The following RAPGEF2 variants were observed in gnomAD, a reference collection of about 807,000 sequenced individuals.
The protein encoded by RAPGEF2 is Rap guanine nucleotide exchange factor 2.
A neutral mutation model predicts 186.7 loss-of-function variants in RAPGEF2; 54 were observed. That is an observed-to-expected ratio of 0.29 (90% confidence interval 0.23 to 0.36). The LOEUF is 0.36. Ranked by LOEUF, RAPGEF2 falls within the 10% of genes least tolerant of loss-of-function variation. RAPGEF2 has a pLI of 1.00. For synonymous variants in RAPGEF2, 712 were observed against 705.9 expected (o/e 1.01, Z -0.14); for missense variants, 1,532 against 2,045.0 (o/e 0.75, Z 4.84).
At chr4:159,252,901 T>C (rs912398648) in intron 7 of RAPGEF2, among the ~76,000 whole-genome samples, 1 of 152,238 alleles carries the variant, frequency 6.6e-6, no homozygotes. Context: ...ATCCATTGAT[T>C]AACTTAAAAA....
intron 1 of RAPGEF2, among the ~76,000 whole-genome samples, chr4:159,131,705 T>G (rs996946137): frequency 1.3e-5 from 2 of 151,810 alleles, no homozygotes; most frequent in Non-Finnish European, 2.9e-5. Context: ...CGCGTTGTTG[T>G]GTACTTGGGA....
intron 1 of RAPGEF2, among the ~76,000 whole-genome samples, chr4:159,134,289 A>G (rs1741453351): frequency 6.6e-6 from 1 of 152,184 alleles, no homozygotes. Flanking sequence ...TTTGAGATTC[A>G]GCCATAGTGT....
chr4:159,131,408 C>T (rs1156287626), intron 1 of RAPGEF2, among the ~76,000 whole-genome samples: 1 of 152,036 alleles, frequency 6.6e-6, no homozygotes, highest in South Asian at 2.1e-4. Context: ...CCGCGCCCAG[C>T]CTCGCATGGT....
At chr4:159,129,575 CTG>C (rs907616029) in intron 1 of RAPGEF2, among the ~76,000 whole-genome samples, 5 of 152,264 alleles carry the variant, frequency 3.3e-5, no homozygotes, top group African/African-American at 9.6e-5. Context: ...AATGAAGAAA[CTG>C]AGATGCAGGG....
At chr4:159,159,800 G>A (rs1005772694) in intron 1 of RAPGEF2, among the ~76,000 whole-genome samples, 4 of 152,180 alleles carry the variant, frequency 2.6e-5, no homozygotes, top group African/African-American at 4.8e-5. Context: ...TTCTCAACTC[G>A]TATAGCAGCA....
chr4:159,326,025 C>T (rs994790991), intron 11 of RAPGEF2, among the ~76,000 whole-genome samples: 13 of 152,082 alleles, frequency 8.5e-5, no homozygotes, highest in Admixed American at 1.3e-4. Flanking sequence ...CCCTATCTTC[C>T]TTTCTGCTAC....
intron 1 of RAPGEF2, among the ~76,000 whole-genome samples, chr4:159,113,946 G>A (rs933737559): frequency 6.6e-6 from 1 of 151,318 alleles, no homozygotes; most frequent in African/African-American, 2.4e-5. Flanking sequence ...AGATAAAATA[G>A]TAACGTTTAT....
intron 4 of RAPGEF2, among the ~76,000 whole-genome samples, chr4:159,235,974 A>G (rs757968242): frequency 6.6e-6 from 1 of 152,134 alleles, no homozygotes; most frequent in South Asian, 2.1e-4. Flanking sequence ...TAGCGTGTGC[A>G]CTCATGACCT....
intron 1 of RAPGEF2, among the ~76,000 whole-genome samples, chr4:159,183,982 A>G (rs1286998971): frequency 1.3e-5 from 2 of 152,094 alleles, no homozygotes; most frequent in Non-Finnish European, 2.9e-5. Context: ...GTGAGTGAGA[A>G]CGTGTGGTGT....
intron 1 of RAPGEF2, among the ~76,000 whole-genome samples, chr4:159,122,757 C>A (rs1739848305): frequency 6.6e-6 from 1 of 152,100 alleles, no homozygotes. Flanking sequence ...CTATATTTTT[C>A]ATCTTTTTAG....
intron 1 of RAPGEF2, among the ~76,000 whole-genome samples, chr4:159,109,206 T>A (rs1232281627): frequency 1.3e-5 from 2 of 152,122 alleles, no homozygotes; most frequent in East Asian, 3.8e-4. Context: ...TGGAAGTAAC[T>A]TTGGCCAGGA....
chr4:159,305,899 A>G (rs1026708789), intron 8 of RAPGEF2, among the ~76,000 whole-genome samples: 5 of 152,150 alleles, frequency 3.3e-5, no homozygotes, highest in Middle Eastern at 3.4e-3. Context: ...TCCCAGCACC[A>G]TTTATCGAAA....
intron 3 of RAPGEF2, among the ~76,000 whole-genome samples, chr4:159,201,735 A>G (rs1171909684): frequency 6.6e-6 from 1 of 152,176 alleles, no homozygotes; most frequent in African/African-American, 2.4e-5. Flanking sequence ...TTGTCCCTTT[A>G]TCTTTTGGTT....
chr4:159,163,416 G>A (rs1053266168), intron 1 of RAPGEF2, among the ~76,000 whole-genome samples: 11 of 151,698 alleles, frequency 7.3e-5, no homozygotes, highest in African/African-American at 2.4e-4. Flanking sequence ...CTTTTCTGGG[G>A]TGGTAAAAAT....
At chr4:159,336,955 G>A (rs62339288) in intron 17 of RAPGEF2, among the ~76,000 whole-genome samples, 3 of 151,982 alleles carry the variant, frequency 2.0e-5, no homozygotes, top group East Asian at 1.9e-4. Flanking sequence ...ATTTTCTTGC[G>A]ACCCCAGTTA....
intron 1 of RAPGEF2, among the ~76,000 whole-genome samples, chr4:159,131,516 G>A: frequency 2.3e-5 from 1 of 44,312 alleles, no homozygotes; most frequent in Non-Finnish European, 4.0e-5. Context: ...CTGATTAATT[G>A]CTATTTTTTT....
At chr4:159,226,709 C>T (rs1752074438) in intron 4 of RAPGEF2, among the ~76,000 whole-genome samples, 1 of 152,018 alleles carries the variant, frequency 6.6e-6, no homozygotes, top group Admixed American at 6.6e-5. Context: ...TGTATTTATT[C>T]CTCAGTATTT....
chr4:159,331,433 T>A lies in RAPGEF2; in HGVS notation c.1470T>A (p.Val490=), dbSNP rs770761085. The change falls in exon 14 of 30, where the codon GTT becomes GTA. Residue 490 remains valine (V), a splice_region_variant and synonymous_variant. Transcript: ENST00000691494. The part of the protein sequence containing the change: ...WFNDPSLRDK[V]TRVVLLWVNN... ...ATTGAAAATAATTGACTTTTCAGGT[T>A]ACACGGGTAGTATTATTGTGGGTAA... The A allele has an allele frequency of 2.5e-6, 4 of 1,586,822 alleles. No individual in the cohort carries two copies. Among genetic ancestry groups the A allele is most frequent in the Non-Finnish European group, 3.4e-6 (4 of 1,161,374 alleles).
intron 3 of RAPGEF2, among the ~76,000 whole-genome samples, chr4:159,196,600 A>G (rs759940185): frequency 5.3e-5 from 8 of 152,218 alleles, no homozygotes; most frequent in Non-Finnish European, 1.2e-4. Context: ...AATAGTTCCT[A>G]CCCGTCAGGG....
Sources: gnomAD v4.1 joint callset for allele counts (sites outside exome capture counted in the v4.1 genomes callset) on GRCh38, gnomAD v4.1.1 for gene constraint, MANE v1.5 for transcripts, NCBI Gene and HGNC (gene_info 2026-07-23, HGNC 2026-07-21) for gene names.